The following SRRM1 variants were observed in gnomAD, a reference collection of about 807,000 sequenced individuals.
SRRM1 encodes the protein serine and arginine repetitive matrix 1.
SRRM1 carries 19 observed loss-of-function variants against 110.2 expected under a neutral mutation model. The observed-to-expected ratio is 0.17, with a 90% CI of 0.12 to 0.25. The LOEUF (loss-of-function observed/expected upper bound fraction) is 0.25, where lower values mean the gene tolerates loss of function less well. Ranked by LOEUF, SRRM1 falls within the 10% of genes least tolerant of loss-of-function variation. The pLI is 1.00. For synonymous variants in SRRM1, 443 were observed against 414.9 expected (o/e 1.07, Z -0.82); for missense variants, 918 against 1,145.8 (o/e 0.80, Z 2.87).
In SRRM1 at chr1:24,669,312, A is replaced by G. The variant is rs1307570020; in HGVS notation, c.1929A>G (p.Gln643=). ...RRVSHSPPPK[Q]RSSPVTKRRS... ...TCTCCCATTCTCCACCTCCCAAACA[A>G]AGAAGCTCCCCAGTCACCAAGAGAC... Residue 643 remains glutamine (Q), a synonymous_variant, in exon 14 of 17, where the codon CAA becomes CAG. Coordinates refer to ENST00000323848, the MANE Select transcript of SRRM1 (RefSeq NM_005839.4). 5 of 1,614,026 alleles carry G rather than the reference A, an allele frequency of 3.1e-6. No homozygotes were observed. Among genetic ancestry groups the G allele is most frequent in the Non-Finnish European group, 3.4e-6 (4 of 1,180,006 alleles).
intron 6 of SRRM1, 118 bp from the exon 7 acceptor site, chr1:24,652,316 G>C (rs984473327): frequency 2.3e-5 from 16 of 689,590 alleles, no homozygotes; most frequent in Non-Finnish European, 3.4e-5. Flanking sequence ...TTTGGAGATA[G>C]AGACAAGTCT....
intron 1 of SRRM1, among the ~76,000 whole-genome samples, chr1:24,644,683 G>C (rs1451565387): frequency 2.0e-5 from 3 of 152,162 alleles, no homozygotes; most frequent in Non-Finnish European, 4.4e-5. Flanking sequence ...TTTCAGATTA[G>C]CGTATCGAAT....
chr1:24,666,075 C>A (rs1219133747), intron 12 of SRRM1, among the ~76,000 whole-genome samples: 2 of 152,126 alleles, frequency 1.3e-5, no homozygotes, highest in Non-Finnish European at 2.9e-5. Flanking sequence ...AGAGCCTTTC[C>A]CAAAAACACC....
intron 2 of SRRM1, 28 bp from the exon 3 acceptor site, chr1:24,646,639 G>A: frequency 6.5e-7 from 1 of 1,543,652 alleles, no homozygotes; most frequent in Non-Finnish European, 8.7e-7. Flanking sequence ...TTGTGAAGTT[G>A]TACTTAATTG....
chr1:24,671,251 C>A, intron 15 of SRRM1, 135 bp from the exon 16 acceptor site: 1 of 933,914 alleles, frequency 1.1e-6, no homozygotes, highest in Non-Finnish European at 1.6e-6. Flanking sequence ...GGGCCTTCCC[C>A]ACTCACACCC....
intron 1 of SRRM1, among the ~76,000 whole-genome samples, chr1:24,645,443 TC>T (rs772449504): frequency 2.6e-5 from 4 of 152,206 alleles, no homozygotes; most frequent in African/African-American, 4.8e-5. Flanking sequence ...TTTTCCAGGT[TC>T]TTTGCTGAAA....
Position 24,664,377 on chromosome 1 carries a change from C to G in SRRM1, c.1628+1573C>G, listed in dbSNP as rs1668836351. 2.0e-5 allele frequency among the ~76,000 whole-genome samples: 3 copies of G among 152,178 alleles called. No homozygotes were observed. In the South Asian group the frequency reaches 6.2e-4, roughly 31 times the overall value. On this transcript the variant is annotated intron_variant, in intron 12 of 16. Transcript: ENST00000323848. ...AAATTTTAGAGCCAAATCCCTAATT[C>G]AGGCCTTACTCTCATAAGTGAGAAG... is the stretch of plus-strand genomic sequence containing the variant.
In SRRM1 at chr1:24,646,176, A is replaced by G. The variant is rs1326090509; in HGVS notation, c.111+103A>G. 6.3e-6 allele frequency: 5 copies of G among 794,678 alleles called. No homozygotes were observed. The Admixed American group carries it at 8.9e-5, about 14-fold the overall frequency. The allele number at this position is 794,678 out of a possible 1,614,324, so 49.2% of individuals were successfully genotyped here. On this transcript the variant is annotated intron_variant, in intron 2 of 16. Transcript: ENST00000323848. ...GCATTGTAACTTGAATGCTAAGAAA[A>G]ACATAATTGAACATTAACCACCTTT...
intron 11 of SRRM1, among the ~76,000 whole-genome samples, chr1:24,662,044 C>T (rs961177759): frequency 5.3e-5 from 8 of 152,286 alleles, no homozygotes; most frequent in East Asian, 1.9e-4. Context: ...GAGCTGAGAT[C>T]GCGCCACTGC....
At chr1:24,654,099 T>C (rs994291700) in intron 8 of SRRM1, among the ~76,000 whole-genome samples, 1 of 152,234 alleles carries the variant, frequency 6.6e-6, no homozygotes, top group Non-Finnish European at 1.5e-5. Flanking sequence ...ATCACACTTT[T>C]CTAATTCCCT....
intron 5 of SRRM1, among the ~76,000 whole-genome samples, chr1:24,650,815 CTA>C (rs1341121069): frequency 1.3e-5 from 2 of 152,134 alleles, no homozygotes; most frequent in Non-Finnish European, 1.5e-5. Context: ...AACTACTTGA[CTA>C]TTGATGAAGT....
chr1:24,664,966 G>A (rs919079561), intron 12 of SRRM1, among the ~76,000 whole-genome samples: 2 of 136,868 alleles, frequency 1.5e-5, no homozygotes, highest in African/African-American at 5.5e-5. Flanking sequence ...AATGTTTATT[G>A]CTCTACTCCA....
Position 24,651,529 on chromosome 1 carries a change from A to G in SRRM1, c.642A>G (p.Pro214=). ...RTKSRSPSPA[P]EKKEKTPELP... is the part of the protein sequence containing the mutation. Reference sequence around the variant, plus strand: ...AGAGCCGGAGTCCTTCCCCTGCTCCAGAAAAGAAGGAAAAAACTCCAGAGC... The same window carrying G: ...AGAGCCGGAGTCCTTCCCCTGCTCCGGAAAAGAAGGAAAAAACTCCAGAGC... The change falls in exon 6 of 17, where the codon CCA becomes CCG. Residue 214 remains proline, a synonymous_variant. Transcript: ENST00000323848. The G allele has an allele frequency of 6.2e-7, 1 of 1,614,202 alleles. No individual in the cohort carries two copies. The highest frequency in any genetic ancestry group is 8.5e-7 in the Non-Finnish European group (1 of 1,180,028).
intron 11 of SRRM1, among the ~76,000 whole-genome samples, chr1:24,661,943 G>A (rs1158659483): frequency 1.3e-5 from 2 of 151,892 alleles, no homozygotes; most frequent in Non-Finnish European, 2.9e-5. Context: ...AAAATTAACC[G>A]GGCATAGTGG....
rs1460688517 is a variant in SRRM1, at chr1:24,666,899, G to T, written c.1713G>T (p.Arg571Ser). The T allele has an allele frequency of 1.9e-6, 3 of 1,610,800 alleles. No individual in the cohort carries two copies. Among genetic ancestry groups the T allele is most frequent in the Non-Finnish European group, 2.5e-6 (3 of 1,178,974 alleles). ...CCGCCCCTCCTCCTCGACGGCGCAG[G>T]ACTCCCACACCACCACCACGACGAA... ...PSPAPPPRRR[R>S]TPTPPPRRRT... is the part of the protein sequence containing the mutation. Residue 571 changes from arginine (R) to serine (S), a missense_variant, in exon 13 of 17, where the codon AGG (arginine) becomes AGT (serine). Transcript: ENST00000323848.
Position 24,650,079 on chromosome 1 carries a change from C to A in SRRM1, c.514C>A (p.Pro172Thr). 6.4e-7 allele frequency: 1 copy of A among 1,574,396 alleles called. No individual in the cohort carries two copies. The highest frequency in any genetic ancestry group is 1.2e-5 in the South Asian group (1 of 84,696). Reference sequence around the variant, plus strand: ...AGAAAAAAGGGAGCGGTCTCGTAGCCCAAGAAGGTATCATACAATAGATGC... The same window carrying A: ...AGAAAAAAGGGAGCGGTCTCGTAGCACAAGAAGGTATCATACAATAGATGC... Reference protein sequence around the residue: ...SREKRERSRSPRRRKSRSPSP... With the variant: ...SREKRERSRSTRRRKSRSPSP... The change falls in exon 5 of 17, where the codon CCA (proline) becomes ACA (threonine). Residue 172 changes from proline to threonine, a missense_variant. Around this residue, in one of 5 missense-constraint regions of SRRM1, gnomAD observed 456 missense variants for 453.5 expected, o/e 1.01. Coordinates refer to ENST00000323848, the MANE Select transcript of SRRM1 (RefSeq NM_005839.4).
chr1:24,671,282 T>A, intron 15 of SRRM1, 104 bp from the exon 16 acceptor site: 1 of 1,236,270 alleles, frequency 8.1e-7, no homozygotes, highest in East Asian at 2.3e-5. Flanking sequence ...TTCGGAAATC[T>A]TGAGATTTGT....
chr1:24,660,658 A>C, intron 9 of SRRM1, 61 bp from the exon 10 acceptor site: 2 of 782,894 alleles, frequency 2.6e-6, no homozygotes. Context: ...ATTAAAAGAA[A>C]AGCATCTTGT....
Position 24,646,699 on chromosome 1 carries a change from A to G in SRRM1, c.144A>G (p.Ile48Met), listed in dbSNP as rs1308807762. Residue 48 changes from isoleucine (I) to methionine (M), a missense_variant, in exon 3 of 17, where the codon ATA becomes ATG. Transcript: ENST00000323848. Reference protein sequence around the residue: ...VDMSKVNLEVIKPWITKRVTE... With the variant: ...VDMSKVNLEVMKPWITKRVTE... ...TGAGCAAAGTAAATTTGGAGGTTATAAAGCCTTGGATAACAAAAAGAGTAA... is the reference window on the plus strand; with the variant it reads ...TGAGCAAAGTAAATTTGGAGGTTATGAAGCCTTGGATAACAAAAAGAGTAA... 6.9e-6 allele frequency: 11 copies of G among 1,605,660 alleles called. No individual in the cohort carries two copies. The highest frequency in any genetic ancestry group is 6.8e-6 in the Non-Finnish European group (8 of 1,177,190).
Sources: allele counts gnomAD v4.1 joint callset (sites outside exome capture counted in the v4.1 genomes callset), GRCh38; gene constraint gnomAD v4.1.1; regional missense constraint gnomAD v4.1.1; transcripts MANE v1.5; gene names NCBI Gene and HGNC (gene_info 2026-07-23, HGNC 2026-07-21).